Variants in BMPR2 observed in about 807,000 individuals in gnomAD.
The protein encoded by BMPR2 is bone morphogenetic protein receptor type 2.
A neutral mutation model predicts 100.8 loss-of-function variants in BMPR2; 29 were observed. The ratio of observed to expected loss-of-function variants is 0.29; its 90% CI spans 0.21 to 0.39. The LOEUF (loss-of-function observed/expected upper bound fraction) is 0.39. Among genes scored for constraint, BMPR2 ranks in the 10% least tolerant of loss-of-function variants. The probability of loss-of-function intolerance (pLI) is 1.00; values close to 1 mark genes in which losing one functional copy is unlikely to be tolerated. For missense variants in BMPR2, 1,011 were observed against 1,274.5 expected (o/e 0.79, Z 3.15); for synonymous variants, 382 against 442.3 (o/e 0.86, Z 1.71).
At chr2:202,400,668 T>C (rs1177155675) in intron 1 of BMPR2, among the ~76,000 whole-genome samples, 1 of 152,180 alleles carries the variant, frequency 6.6e-6, no homozygotes, top group African/African-American at 2.4e-5. Flanking sequence ...AAAATTTATG[T>C]TTTTATTTCT....
chr2:202,487,898 T>C (rs1034508259), intron 3 of BMPR2, among the ~76,000 whole-genome samples: 1 of 152,186 alleles, frequency 6.6e-6, no homozygotes, highest in Non-Finnish European at 1.5e-5. Context: ...TTAGGAGAGA[T>C]TGGGTTTCGC....
intron 1 of BMPR2, among the ~76,000 whole-genome samples, chr2:202,422,315 T>A (rs1490590839): frequency 6.6e-6 from 1 of 151,804 alleles, no homozygotes; most frequent in Non-Finnish European, 1.5e-5. Context: ...GTTGTTTTTT[T>A]GTTTTTTTTG....
intron 12 of BMPR2, among the ~76,000 whole-genome samples, chr2:202,557,698 G>A (rs1016147108): frequency 2.6e-5 from 4 of 151,980 alleles, no homozygotes; most frequent in Non-Finnish European, 5.9e-5. Context: ...CATTTGGTTG[G>A]GCCTCAAAGG....
intron 3 of BMPR2, among the ~76,000 whole-genome samples, chr2:202,474,268 A>G (rs1007490756): frequency 1.3e-5 from 2 of 151,986 alleles, no homozygotes; most frequent in African/African-American, 4.8e-5. Context: ...AGCCTGGCCT[A>G]TATGACGAAA....
At chr2:202,389,633 G>T (rs1212237831) in intron 1 of BMPR2, among the ~76,000 whole-genome samples, 10 of 150,988 alleles carry the variant, frequency 6.6e-5, no homozygotes, top group Non-Finnish European at 8.8e-5. Flanking sequence ...CATTGTAAAA[G>T]GGTTTTATAA....
intron 7 of BMPR2, among the ~76,000 whole-genome samples, chr2:202,523,840 A>AC (rs1687860287): frequency 6.6e-6 from 1 of 152,024 alleles, no homozygotes; most frequent in South Asian, 2.1e-4. Flanking sequence ...TGTTACACAT[A>AC]CACCATCGAG....
At chr2:202,507,638 C>G (rs1023943749) in intron 3 of BMPR2, among the ~76,000 whole-genome samples, 28 of 151,958 alleles carry the variant, frequency 1.8e-4, no homozygotes, top group Non-Finnish European at 2.1e-4. Context: ...GTTCTCCCAG[C>G]TTAGCCTCCC....
chr2:202,531,549 G>A (rs746979051), intron 8 of BMPR2, among the ~76,000 whole-genome samples: 8 of 152,148 alleles, frequency 5.3e-5, no homozygotes, highest in African/African-American at 1.4e-4. Flanking sequence ...AGTGTGGAAC[G>A]TATCCTTCCC....
chr2:202,471,570 T>C (rs1202028641), intron 3 of BMPR2, among the ~76,000 whole-genome samples: 1 of 152,116 alleles, frequency 6.6e-6, no homozygotes, highest in Non-Finnish European at 1.5e-5. Flanking sequence ...AATTTAATCA[T>C]GAGGTAATAT....
intron 12 of BMPR2, among the ~76,000 whole-genome samples, chr2:202,558,481 C>T (rs926443700): frequency 1.3e-5 from 2 of 152,124 alleles, no homozygotes; most frequent in African/African-American, 4.8e-5. Context: ...ACAAAATGGG[C>T]TTGAAGGAAG....
chr2:202,522,506 C>CAA (rs770945860), intron 7 of BMPR2, among the ~76,000 whole-genome samples: 3 of 107,638 alleles, frequency 2.8e-5, no homozygotes, highest in Admixed American at 9.2e-5. Context: ...GACTCCCTCT[C>CAA]AAAAAAAAAA....
intron 10 of BMPR2, among the ~76,000 whole-genome samples, chr2:202,543,548 A>G (rs2106032208): frequency 6.6e-6 from 1 of 151,956 alleles, no homozygotes; most frequent in Admixed American, 6.6e-5. Context: ...ATGATATATG[A>G]TAATTATTGT....
chr2:202,385,595 A>T (rs1574420175), intron 1 of BMPR2, among the ~76,000 whole-genome samples: 1 of 143,328 alleles, frequency 7.0e-6, no homozygotes, highest in African/African-American at 2.6e-5. Flanking sequence ...CGAACTCCTG[A>T]CCTCGTGATC....
intron 1 of BMPR2, among the ~76,000 whole-genome samples, chr2:202,462,775 C>T (rs377682438): frequency 8.6e-5 from 13 of 151,544 alleles, no homozygotes; most frequent in African/African-American, 2.7e-4. Context: ...TGCAGTGGTG[C>T]GATCTCAGCT....
At chr2:202,559,606 C>A in intron 12 of BMPR2, 90 bp from the exon 13 acceptor site, 1 of 1,368,348 alleles carries the variant, frequency 7.3e-7, no homozygotes, top group Non-Finnish European at 1.0e-6. Context: ...CCTCCTGAGA[C>A]ATTGGTTTGA....
chr2:202,530,701 GA>G, intron 7 of BMPR2, 92 bp from the exon 8 acceptor site: 2 of 1,196,480 alleles, frequency 1.7e-6, no homozygotes, highest in South Asian at 1.5e-5. Flanking sequence ...TTAATGGGCA[GA>G]AAAATAATAC....
At position 202,559,810 on chromosome 2, in the gene BMPR2, A is replaced by C; in HGVS notation, c.2981A>C (p.Glu994Ala). The change falls in exon 13 of 13, where the codon GAA (glutamate) becomes GCA (alanine). Residue 994 changes from glutamate to alanine, a missense_variant. By Grantham distance (107) the Glu-to-Ala change is moderately radical (BLOSUM62 -1). This residue lies in a region of BMPR2 where 58 missense variants were observed against 72.3 expected (regional missense o/e 0.80). Coordinates refer to ENST00000374580, the MANE Select transcript of BMPR2 (RefSeq NM_001204.7). ...WRPSTWVIST[E>A]SLDCEVNNNG... ...CCCTCCACCTGGGTCATCTCCACTG[A>C]ATCGCTGGACTGTGAAGTCAACAAT... is the stretch of plus-strand genomic sequence containing the variant. 1 of 1,614,134 alleles carries C rather than the reference A, an allele frequency of 6.2e-7. No homozygotes were observed. The highest frequency in any genetic ancestry group is 1.1e-5 in the South Asian group (1 of 91,078).
rs2105711480 is a variant in BMPR2 at position 202,555,531 on chromosome 2, A to G, written c.1866A>G (p.Pro622=). 1 of 1,614,192 alleles carries G rather than the reference A, an allele frequency of 6.2e-7. No individual in the cohort carries two copies. The change falls in exon 12 of 13, where the codon CCA becomes CCG. Residue 622 remains proline, a synonymous_variant. Transcript: ENST00000374580. ...TTTTNTTGLT[P]STGMTTISEM... ...CCACAAACACCACAGGACTCACGCC[A>G]AGTACTGGCATGACTACTATATCTG...
intron 3 of BMPR2, among the ~76,000 whole-genome samples, chr2:202,476,678 A>T (rs1163727047): frequency 2.0e-5 from 3 of 152,156 alleles, no homozygotes; most frequent in Non-Finnish European, 4.4e-5. Context: ...AATCCCGGTT[A>T]CTTGGGAGGC....
Sources: gnomAD v4.1 joint callset for allele counts (sites outside exome capture counted in the v4.1 genomes callset) on GRCh38, gnomAD v4.1.1 for gene constraint, gnomAD v4.1.1 regional missense constraint, MANE v1.5 for transcripts, NCBI Gene and HGNC (gene_info 2026-07-23, HGNC 2026-07-21) for gene names.